ZMIZ1: variants seen among roughly 807,000 people sequenced by gnomAD.
The protein encoded by ZMIZ1 is zinc finger MIZ-type containing 1.
In ZMIZ1, 17 loss-of-function variants were observed where a neutral mutation model predicts 113.9. The observed-to-expected ratio is 0.15, with a 90% CI of 0.10 to 0.22. The LOEUF is 0.22. ZMIZ1 is among the 10% of genes least tolerant of loss of function. ZMIZ1 has a pLI of 1.00. For synonymous variants in ZMIZ1, 607 were observed against 603.1 expected (o/e 1.01, Z -0.09); for missense variants, 1,059 against 1,477.8 (o/e 0.72, Z 4.65).
chr10:79,178,694 C>G (rs1161017878), intron 4 of ZMIZ1, among the ~76,000 whole-genome samples: 1 of 152,244 alleles, frequency 6.6e-6, no homozygotes, highest in Non-Finnish European at 1.5e-5. Flanking sequence ...ACCCCTCCCC[C>G]ACCCCCGCAT....
chr10:79,088,603 C>T (rs988974009), intron 1 of ZMIZ1, among the ~76,000 whole-genome samples: 20 of 152,192 alleles, frequency 1.3e-4, no homozygotes, highest in Non-Finnish European at 2.8e-4. Flanking sequence ...GGACTCGGCC[C>T]CTACAGGCTT....
intron 2 of ZMIZ1, among the ~76,000 whole-genome samples, chr10:79,137,837 T>G (rs377679598): frequency 0.028 from 3,614 of 127,848 alleles, 125 homozygotes; most frequent in African/African-American, 0.1. Flanking sequence ...GGGGGGGGGG[T>G]GCTCCTAGGG....
At chr10:79,197,637 C>CCT (rs150429210) in intron 4 of ZMIZ1, among the ~76,000 whole-genome samples, 33,197 of 148,564 alleles carry the variant, frequency 0.22, 4,646 homozygotes, top group Non-Finnish European at 0.32. Context: ...CACACACACA[C>CCT]ACACACCTGT....
Position 79,291,206 on chromosome 10 carries a change from A to G in ZMIZ1, c.758+30A>G, listed in dbSNP as rs901101483. On this transcript the variant is annotated intron_variant, in intron 10 of 24. Coordinates refer to ENST00000334512, the MANE Select transcript of ZMIZ1 (RefSeq NM_020338.4). ...GCAGGGCTGACCTGTGGCAGAAGCCATGGACGCCACCCCTCTTCCTCCTTC... is the reference window on the plus strand; with the variant it reads ...GCAGGGCTGACCTGTGGCAGAAGCCGTGGACGCCACCCCTCTTCCTCCTTC... The G allele has an allele frequency of 8.9e-6, 14 of 1,569,102 alleles. 1 individual carries two copies. The highest frequency in any genetic ancestry group is 6.9e-6 in the Non-Finnish European group (8 of 1,152,626).
chr10:79,275,145 C>T (rs1305509124), intron 7 of ZMIZ1, among the ~76,000 whole-genome samples: 1 of 152,202 alleles, frequency 6.6e-6, no homozygotes, highest in East Asian at 1.9e-4. Context: ...GGGCTGGAGG[C>T]TCGTTTTTGT....
chr10:79,096,619 T>A (rs1843179398), intron 1 of ZMIZ1, among the ~76,000 whole-genome samples: 2 of 151,468 alleles, frequency 1.3e-5, no homozygotes. Flanking sequence ...TTTTCTTGAG[T>A]GCTTCTTGAC....
chr10:79,158,861 C>A (rs1845999804), intron 3 of ZMIZ1, among the ~76,000 whole-genome samples: 1 of 152,212 alleles, frequency 6.6e-6, no homozygotes, highest in South Asian at 2.1e-4. Flanking sequence ...CCTCTGGCAG[C>A]CCCATCCTTC....
intron 7 of ZMIZ1, among the ~76,000 whole-genome samples, chr10:79,242,539 G>A (rs1332805487): frequency 3.3e-4 from 43 of 131,176 alleles, no homozygotes; most frequent in Non-Finnish European, 4.7e-4. Context: ...GCCTAGCCCC[G>A]CCCTCCCCTC....
At chr10:79,273,855 G>C (rs1240073658) in intron 7 of ZMIZ1, among the ~76,000 whole-genome samples, 1 of 152,286 alleles carries the variant, frequency 6.6e-6, no homozygotes, top group Non-Finnish European at 1.5e-5. Flanking sequence ...AGCTGTGCAA[G>C]TGATGTGTAC....
rs74142320 is a variant in ZMIZ1 at position 79,168,239 on chromosome 10, A to G, written c.-50+6106A>G. Among the ~76,000 whole-genome samples the G allele has an allele frequency of 3.0e-3, 452 of 152,348 alleles. 5 individuals are homozygous for G. Among genetic ancestry groups the G allele is most frequent in the African/African-American group, 0.011 (447 of 41,576 alleles). ...AGGTGCTCGTCTCCGTCCACTGCAG[A>G]CAGGGCTGGTGCCACTACCCAAAGC... On this transcript the variant is annotated intron_variant, in intron 4 of 24. Coordinates refer to ENST00000334512, the MANE Select transcript of ZMIZ1 (RefSeq NM_020338.4).
rs1855531506 is a variant in ZMIZ1 at position 79,316,313 on chromosome 10, A to G, written c.*3564A>G. ...GTGATTTCTAGTCTTGCAAAGCTGTATGTAGTTAGATGATGTGACAACCTC... is the reference window on the plus strand; with the variant it reads ...GTGATTTCTAGTCTTGCAAAGCTGTGTGTAGTTAGATGATGTGACAACCTC... On this transcript the variant is annotated 3_prime_UTR_variant, in exon 25 of 25. Transcript: ENST00000334512. 6.5e-6 allele frequency: 1 copy of G among 152,702 alleles called. No individual in the cohort carries two copies. The highest frequency in any genetic ancestry group is 2.1e-4 in the South Asian group (1 of 4,838). The allele number at this position is 152,702 out of a possible 1,614,324, so 9.5% of individuals were successfully genotyped here.
intron 7 of ZMIZ1, among the ~76,000 whole-genome samples, chr10:79,237,248 A>T (rs1407008057): frequency 6.6e-6 from 1 of 152,230 alleles, no homozygotes; most frequent in East Asian, 1.9e-4. Flanking sequence ...CGGAGACTGG[A>T]GGCTGGGTCA....
Position 79,233,411 on chromosome 10 carries a change from C to T in ZMIZ1, c.280+17137C>T, listed in dbSNP as rs1057107410. ...TTTGATGTCCAGTGAGGGCACGCTC[C>T]CCGTAGATGGCACCTTCTGGCTGTG... On this transcript the variant is annotated intron_variant, in intron 7 of 24. Transcript: ENST00000334512. Among the ~76,000 whole-genome samples, 3 of 152,218 alleles carry T rather than the reference C, an allele frequency of 2.0e-5. No individual in the cohort carries two copies. In the South Asian group the frequency reaches 6.2e-4, roughly 31 times the overall value.
At chr10:79,240,893 A>C (rs1849802431) in intron 7 of ZMIZ1, among the ~76,000 whole-genome samples, 1 of 152,060 alleles carries the variant, frequency 6.6e-6, no homozygotes, top group Non-Finnish European at 1.5e-5. Flanking sequence ...ATTCTGGCTC[A>C]ACCTACCAAA....
At chr10:79,194,173 A>G (rs1847734770) in intron 4 of ZMIZ1, among the ~76,000 whole-genome samples, 1 of 152,218 alleles carries the variant, frequency 6.6e-6, no homozygotes, top group Non-Finnish European at 1.5e-5. Context: ...ATTTCTGCAC[A>G]CCACTGCTCA....
chr10:79,116,496 T>G (rs1339876407), intron 1 of ZMIZ1, among the ~76,000 whole-genome samples: 1 of 152,026 alleles, frequency 6.6e-6, no homozygotes, highest in Non-Finnish European at 1.5e-5. Flanking sequence ...ACTGCAGGCT[T>G]GAGCATGGTA....
chr10:79,174,825 C>T (rs1475064200), intron 4 of ZMIZ1, among the ~76,000 whole-genome samples: 1 of 152,170 alleles, frequency 6.6e-6, no homozygotes, highest in Non-Finnish European at 1.5e-5. Context: ...TCCAACAGTC[C>T]CACCCCCTTT....
intron 4 of ZMIZ1, among the ~76,000 whole-genome samples, chr10:79,186,716 G>T (rs1317307437): frequency 2.0e-5 from 3 of 152,220 alleles, no homozygotes; most frequent in Non-Finnish European, 2.9e-5. Flanking sequence ...CGTGAGCAGG[G>T]AATCACTTAA....
chr10:79,098,921 T>C (rs1200474369), intron 1 of ZMIZ1, among the ~76,000 whole-genome samples: 1 of 152,188 alleles, frequency 6.6e-6, no homozygotes, highest in African/African-American at 2.4e-5. Flanking sequence ...CTTCTGAGAC[T>C]GGGGACTTGA....
Sources: allele counts gnomAD v4.1 joint callset (sites outside exome capture counted in the v4.1 genomes callset), GRCh38; gene constraint gnomAD v4.1.1; transcripts MANE v1.5; gene names NCBI Gene and HGNC (gene_info 2026-07-23, HGNC 2026-07-21).